The following ABCA12 variants were observed in gnomAD, a reference collection of about 807,000 sequenced individuals.
The protein encoded by ABCA12 is glucosylceramide transporter ABCA12.
A neutral mutation model predicts 293.5 loss-of-function variants in ABCA12; 156 were observed. The ratio of observed to expected loss-of-function variants is 0.53; its 90% confidence interval spans 0.47 to 0.61. The LOEUF is 0.61. Among genes scored for constraint, ABCA12 ranks in the 20% least tolerant of loss-of-function variants. ABCA12 has a pLI of 0.00. For missense variants in ABCA12, 2,797 were observed against 3,090.2 expected (o/e 0.91, Z 2.25); for synonymous variants, 1,063 against 1,108.0 (o/e 0.96, Z 0.81).
At chr2:214,943,119 A>C in intron 49 of ABCA12, 102 bp from the exon 50 acceptor site, 5 of 877,720 alleles carry the variant, frequency 5.7e-6, no homozygotes, top group African/African-American at 5.0e-5. Context: ...ACTTGGAAAT[A>C]CTATTTTAGT....
Position 214,943,008 on chromosome 2 carries a change from T to G in ABCA12, c.7353A>C (p.Glu2451Asp). ...CCAACCTGGTACAGAGAGCTTCACA[T>G]TCTTCCATGCTAAAAGACAAAGCAG... ...SVILTSHSMEECEALCTRLAI... is the reference protein window; with the variant it reads ...SVILTSHSMEDCEALCTRLAI... The change falls in exon 50 of 53, where the codon GAA (glutamate) becomes GAC (aspartate). Residue 2451 changes from glutamate (E) to aspartate (D), a missense_variant. Around this residue, in one of 3 missense-constraint regions of ABCA12, gnomAD observed 2,130 missense variants for 2,427.0 expected, o/e 0.88. Coordinates refer to ENST00000272895, the MANE Select transcript of ABCA12 (RefSeq NM_173076.3). The G allele has an allele frequency of 6.2e-7, 1 of 1,613,100 alleles. No homozygotes were observed. Among genetic ancestry groups the G allele is most frequent in the Non-Finnish European group, 8.5e-7 (1 of 1,179,676 alleles).
Position 215,026,846 on chromosome 2 carries a change from G to A in ABCA12, c.1154C>T (p.Thr385Ile), listed in dbSNP as rs201349856. Reference sequence around the variant, plus strand: ...TGGTGAACCTCTGGCCAAACTGTCAGTCACATTTCTCACACATGCCAAGTA... The same window carrying A: ...TGGTGAACCTCTGGCCAAACTGTCAATCACATTTCTCACACATGCCAAGTA... ...IPYLACVRNVTDSLARGSPEN... is the reference protein window; with the variant it reads ...IPYLACVRNVIDSLARGSPEN... The change falls in exon 10 of 53, where the codon ACT becomes ATT. Residue 385 changes from threonine (T) to isoleucine (I), a missense_variant. Thr to Ile is a moderately conservative substitution (Grantham distance 89). This residue lies in a region of ABCA12 where 656 missense variants were observed against 638.2 expected (regional missense o/e 1.03). Transcript: ENST00000272895. 6.2e-7 allele frequency: 1 copy of A among 1,612,460 alleles called. No homozygotes were observed. Among genetic ancestry groups the A allele is most frequent in the African/African-American group, 1.3e-5 (1 of 75,014 alleles).
At chr2:215,064,339 A>G (rs10186371) in intron 2 of ABCA12, 120 bp from the exon 3 acceptor site, 364,175 of 1,033,580 alleles carry the variant, frequency 0.35, 65,113 homozygotes, top group Middle Eastern at 0.41. Flanking sequence ...GGGTCCCCCA[A>G]CTGAGCCCCA....
chr2:215,133,741 A>G (rs568246264), intron 1 of ABCA12, among the ~76,000 whole-genome samples: 1 of 152,256 alleles, frequency 6.6e-6, no homozygotes, highest in South Asian at 2.1e-4. Context: ...CTTTGGCAAT[A>G]CAATTGAGAA....
chr2:215,084,102 T>C (rs1701994189), intron 2 of ABCA12, among the ~76,000 whole-genome samples: 2 of 152,086 alleles, frequency 1.3e-5, no homozygotes. Context: ...CTCAGCCTCC[T>C]GAATACCTGG....
In ABCA12 at chr2:214,966,907, T is replaced by C. The variant is rs1479583540; in HGVS notation, c.5825A>G (p.Asn1942Ser). Residue 1942 changes from asparagine to serine, a missense_variant, in exon 39 of 53, where the codon AAC (asparagine) becomes AGC (serine). Asn to Ser is a conservative substitution (Grantham distance 46). Around this residue, in one of 3 missense-constraint regions of ABCA12, gnomAD observed 2,130 missense variants for 2,427.0 expected, o/e 0.88. Coordinates refer to ENST00000272895, the MANE Select transcript of ABCA12 (RefSeq NM_173076.3). ...TCGCAGAAGGAAATTATTCAGGCTG[T>C]TGAGGTAAGCTGGAAGGGAGTGATA... ...EGYHSLPAYL[N>S]SLNNFLLRVN... 6.2e-7 allele frequency: 1 copy of C among 1,613,774 alleles called. No homozygotes were observed. The highest frequency in any genetic ancestry group is 8.5e-7 in the Non-Finnish European group (1 of 1,179,836).
At position 215,011,470 on chromosome 2, in the gene ABCA12, A is replaced by T. The variant is rs1349462156; in HGVS notation, c.2301T>A (p.Ile767=). 5 of 1,613,916 alleles carry T rather than the reference A, an allele frequency of 3.1e-6. No homozygotes were observed. The highest frequency in any genetic ancestry group is 3.4e-6 in the Non-Finnish European group (4 of 1,179,822). Residue 767 remains isoleucine, a synonymous_variant, in exon 17 of 53, where the codon ATT becomes ATA. Coordinates refer to ENST00000272895, the MANE Select transcript of ABCA12 (RefSeq NM_173076.3). The stretch of plus-strand genomic sequence containing the variant: ...TTATGGGAATTCCATATTTTGAAGC[A>T]ATTTGCTCTTTAGTTAATTTATAAG... The part of the protein sequence containing the change: ...FLTYKLTKEQ[I]ASKYGIPINS...
intron 36 of ABCA12, among the ~76,000 whole-genome samples, chr2:214,971,533 AAC>A (rs1699385041): frequency 6.6e-6 from 1 of 152,192 alleles, no homozygotes; most frequent in African/African-American, 2.4e-5. Context: ...CTCCCAAAGT[AAC>A]AGACACAGCG....
intron 22 of ABCA12, chr2:214,999,945 G>T: frequency 2.6e-6 from 1 of 389,294 alleles, no homozygotes; most frequent in Non-Finnish European, 3.5e-6. Context: ...CAATAACTGG[G>T]TTGCGTAGCA....
chr2:215,044,093 C>A (rs1230095913), intron 7 of ABCA12, among the ~76,000 whole-genome samples: 2 of 151,988 alleles, frequency 1.3e-5, no homozygotes, highest in Non-Finnish European at 2.9e-5. Flanking sequence ...TACCTGGCTC[C>A]ACTTTTAGCT....
chr2:214,990,550 A>G, intron 24 of ABCA12, 152 bp downstream of exon 24: 1 of 750,670 alleles, frequency 1.3e-6, no homozygotes, highest in Non-Finnish European at 2.2e-6. Context: ...CAGTGATGTA[A>G]GAAAAGCTAT....
intron 40 of ABCA12, 83 bp downstream of exon 40, chr2:214,958,941 A>C: frequency 7.6e-7 from 1 of 1,312,122 alleles, no homozygotes; most frequent in Non-Finnish European, 1.1e-6. Flanking sequence ...TTCAGATACA[A>C]CTGTGATTTC....
In ABCA12 at chr2:215,138,615, T is replaced by C. The variant is rs1454214859; in HGVS notation, c.-407A>G. On this transcript the variant is annotated 5_prime_UTR_variant, in exon 1 of 53. Transcript: ENST00000272895. ...CACCTCCTACTCTCCATGAAATTAATTGCCTATCCACACCTTAGAGAACAT... is the reference window on the plus strand; with the variant it reads ...CACCTCCTACTCTCCATGAAATTAACTGCCTATCCACACCTTAGAGAACAT... Among the ~76,000 whole-genome samples the C allele has an allele frequency of 5.3e-5, 8 of 150,816 alleles. No homozygotes were observed. Among genetic ancestry groups the C allele is most frequent in the Non-Finnish European group, 7.4e-5 (5 of 67,880 alleles).
intron 3 of ABCA12, among the ~76,000 whole-genome samples, chr2:215,055,302 CA>C (rs1450917801): frequency 2.0e-5 from 3 of 152,028 alleles, no homozygotes; most frequent in Non-Finnish European, 4.4e-5. Flanking sequence ...AATCCCTGTG[CA>C]ACATGATCAC....
In ABCA12 at chr2:215,077,839, C is replaced by A. The variant is rs979861746; in HGVS notation, c.164-13620G>T. 8.5e-5 allele frequency among the ~76,000 whole-genome samples: 13 copies of A among 152,256 alleles called. No individual in the cohort carries two copies. In the East Asian group the frequency reaches 2.3e-3, roughly 27 times the overall value. On this transcript the variant is annotated intron_variant, in intron 2 of 52. Transcript: ENST00000272895. ...TCAGCTGGTTTTTGGAATCCGAGATCGGACCTTTTATCTATTATTAAATTA... is the reference window on the plus strand; with the variant it reads ...TCAGCTGGTTTTTGGAATCCGAGATAGGACCTTTTATCTATTATTAAATTA...
intron 14 of ABCA12, chr2:215,017,704 G>T: frequency 3.5e-6 from 1 of 287,422 alleles, no homozygotes. Context: ...GCAGTGGTGC[G>T]ATCTCAGCTC....
At chr2:214,944,233 G>A (rs1036759330) in intron 49 of ABCA12, among the ~76,000 whole-genome samples, 1 of 151,956 alleles carries the variant, frequency 6.6e-6, no homozygotes, top group African/African-American at 2.4e-5. Context: ...CCAACATGCT[G>A]AAACCCTGCC....
rs556979766 is a variant in ABCA12 at position 214,932,799 on chromosome 2, A to G, written c.7681-58T>C. The G allele has an allele frequency of 4.5e-5, 54 of 1,204,138 alleles. No individual in the cohort carries two copies. In the African/African-American group the frequency reaches 7.9e-4, roughly 18 times the overall value. 74.6% of individuals were successfully genotyped at this position (1,204,138 alleles called of 1,614,324 possible). A position where few individuals can be genotyped will look rare whatever the true frequency, so the allele number is the denominator to read the frequency against. On this transcript the variant is annotated intron_variant, in intron 52 of 52. Coordinates refer to ENST00000272895, the MANE Select transcript of ABCA12 (RefSeq NM_173076.3). ...CCTGGTAAGCCAAAGGAAAAAATAA[A>G]GTTAATTCATTCTCTCTCTCTCCCC...
At chr2:215,091,008 C>A (rs542701666) in intron 2 of ABCA12, among the ~76,000 whole-genome samples, 1 of 152,120 alleles carries the variant, frequency 6.6e-6, no homozygotes, top group Non-Finnish European at 1.5e-5. Flanking sequence ...CCCTAGCCTA[C>A]AAGATCTAGA....
Sources: allele counts gnomAD v4.1 joint callset (sites outside exome capture counted in the v4.1 genomes callset), GRCh38; gene constraint gnomAD v4.1.1; regional missense constraint gnomAD v4.1.1; transcripts MANE v1.5; gene names NCBI Gene and HGNC (gene_info 2026-07-23, HGNC 2026-07-21).